The following KCTD16 variants were observed in gnomAD, a reference collection of about 807,000 sequenced individuals.
The protein encoded by KCTD16 is BTB/POZ domain-containing protein KCTD16.
In KCTD16, 13 loss-of-function variants were observed where a neutral mutation model predicts 33.2. The ratio of observed to expected loss-of-function variants is 0.39; its 90% CI spans 0.25 to 0.62. The LOEUF is 0.62. Ranked by LOEUF, KCTD16 falls within the 20% of genes least tolerant of loss-of-function variation. KCTD16 has a pLI of 0.50. For missense variants in KCTD16, 441 were observed against 525.1 expected (o/e 0.84, Z 1.57); for synonymous variants, 197 against 195.3 (o/e 1.01, Z -0.07).
intron 3 of KCTD16, among the ~76,000 whole-genome samples, chr5:144,310,450 T>C (rs995765882): frequency 7.6e-5 from 11 of 144,240 alleles, no homozygotes; most frequent in African/African-American, 2.7e-4. Flanking sequence ...GGTAGCTCTA[T>C]TTTTAGCTAT....
chr5:144,414,987 G>A (rs899750443), intron 3 of KCTD16, among the ~76,000 whole-genome samples: 1 of 152,036 alleles, frequency 6.6e-6, no homozygotes, highest in African/African-American at 2.4e-5. Context: ...AGTCTGTTTT[G>A]GGCTACTATA....
rs765341890 is a variant in KCTD16, at chr5:144,207,110, T to C, written c.396T>C (p.Asp132=). 391 of 1,610,756 alleles carry C rather than the reference T, an allele frequency of 2.4e-4. No homozygotes were observed. The highest frequency in any genetic ancestry group is 3.3e-4 in the Non-Finnish European group (386 of 1,178,538). ...CCGATGAAATCAAGCAAAGCCCAGATGAATTCTGCCACAGTGACTTTGAAG... is the reference window on the plus strand; with the variant it reads ...CCGATGAAATCAAGCAAAGCCCAGACGAATTCTGCCACAGTGACTTTGAAG... The part of the protein sequence containing the change: ...LTPDEIKQSP[D]EFCHSDFEDA... Residue 132 remains aspartate, a synonymous_variant, in exon 3 of 4, where the codon GAT becomes GAC. Transcript: ENST00000512467.
At chr5:144,214,798 A>G (rs552049823) in intron 3 of KCTD16, among the ~76,000 whole-genome samples, 1 of 152,294 alleles carries the variant, frequency 6.6e-6, no homozygotes, top group African/African-American at 2.4e-5. Context: ...CACAGCACAT[A>G]TAATAATGTA....
At chr5:144,253,877 A>G (rs1339156033) in intron 3 of KCTD16, among the ~76,000 whole-genome samples, 1 of 152,222 alleles carries the variant, frequency 6.6e-6, no homozygotes, top group East Asian at 1.9e-4. Context: ...TTTATACTTA[A>G]ACTTTAAAAA....
rs573637779 is a variant in KCTD16, at chr5:144,374,238, TA to T, written c.833-99416del. 1.8e-3 allele frequency among the ~76,000 whole-genome samples: 270 copies of T among 152,266 alleles called. 2 individuals are homozygous for T. Among genetic ancestry groups the T allele is most frequent in the African/African-American group, 6.2e-3 (256 of 41,550 alleles). On this transcript the variant is annotated intron_variant, in intron 3 of 3. Transcript: ENST00000512467. ...CAAAAATAAAATGCCAAATTTTCAG[TA>T]AAAAAGATTAATATTAGAAGCACCA...
intron 3 of KCTD16, among the ~76,000 whole-genome samples, chr5:144,382,472 C>T (rs1319312104): frequency 6.6e-6 from 1 of 152,018 alleles, no homozygotes; most frequent in Non-Finnish European, 1.5e-5. Context: ...GATTCTATGC[C>T]CCTCGCCTCT....
At chr5:144,182,714 C>T (rs1752650597) in intron 2 of KCTD16, among the ~76,000 whole-genome samples, 2 of 151,902 alleles carry the variant, frequency 1.3e-5, no homozygotes, top group South Asian at 2.1e-4. Context: ...CATTGCCCTC[C>T]AGCCTAGGCT....
intron 3 of KCTD16, among the ~76,000 whole-genome samples, chr5:144,339,551 CTA>C (rs1752575350): frequency 6.6e-6 from 1 of 152,136 alleles, no homozygotes; most frequent in Admixed American, 6.6e-5. Context: ...TTTTACTTCT[CTA>C]TGTTATTCTT....
At chr5:144,205,624 T>G in intron 2 of KCTD16, 1 of 398,696 alleles carries the variant, frequency 2.5e-6, no homozygotes. Context: ...GAAAAGCTTC[T>G]AAGTCCTGGT....
At chr5:144,363,860 A>C (rs544030216) in intron 3 of KCTD16, among the ~76,000 whole-genome samples, 4 of 152,174 alleles carry the variant, frequency 2.6e-5, no homozygotes, top group African/African-American at 9.7e-5. Flanking sequence ...CATTCCCTGC[A>C]ACTAGTGGTA....
At chr5:144,260,881 A>G (rs1754989869) in intron 3 of KCTD16, among the ~76,000 whole-genome samples, 1 of 151,970 alleles carries the variant, frequency 6.6e-6, no homozygotes, top group Non-Finnish European at 1.5e-5. Context: ...TATTGGTATT[A>G]TTTCTTAAGT....
Position 144,485,666 on chromosome 5 carries a change from A to G in KCTD16, c.*11552A>G, listed in dbSNP as rs899211515. On this transcript the variant is annotated 3_prime_UTR_variant, in exon 4 of 4. Coordinates refer to ENST00000512467, the MANE Select transcript of KCTD16 (RefSeq NM_020768.4). Reference sequence around the variant, plus strand: ...TATGCATTGTAATTTAGCACAAATCATAATAAATCATTTGGTAACATTTAG... The same window carrying G: ...TATGCATTGTAATTTAGCACAAATCGTAATAAATCATTTGGTAACATTTAG... 9 of 151,978 alleles carry G rather than the reference A, an allele frequency of 5.9e-5. No individual in the cohort carries two copies. The highest frequency in any genetic ancestry group is 1.2e-4 in the Non-Finnish European group (8 of 67,922). The allele number at this position is 151,978 out of a possible 1,614,324, so 9.4% of individuals were successfully genotyped here. A position where few individuals can be genotyped will look rare whatever the true frequency, so the allele number is the denominator to read the frequency against.
intron 3 of KCTD16, among the ~76,000 whole-genome samples, chr5:144,303,665 G>A (rs1261028266): frequency 6.6e-6 from 1 of 151,924 alleles, no homozygotes; most frequent in Non-Finnish European, 1.5e-5. Context: ...GCCACTATAA[G>A]GAAACAACAA....
chr5:144,460,778 G>T (rs756743277), intron 3 of KCTD16, among the ~76,000 whole-genome samples: 6 of 152,212 alleles, frequency 3.9e-5, no homozygotes, highest in Non-Finnish European at 7.3e-5. Flanking sequence ...GTGGCCAGCT[G>T]TGTAAACATT....
At chr5:144,176,802 G>T (rs1359526970) in intron 2 of KCTD16, among the ~76,000 whole-genome samples, 2 of 152,156 alleles carry the variant, frequency 1.3e-5, no homozygotes, top group African/African-American at 4.8e-5. Flanking sequence ...TTATGGTTTA[G>T]GTTCTCTAGG....
chr5:144,437,381 A>G (rs1753602270), intron 3 of KCTD16, among the ~76,000 whole-genome samples: 1 of 152,178 alleles, frequency 6.6e-6, no homozygotes, highest in Admixed American at 6.5e-5. Context: ...AATAGTGTGG[A>G]TTCAGGATCC....
chr5:144,416,981 T>C (rs925452547), intron 3 of KCTD16, among the ~76,000 whole-genome samples: 1 of 152,230 alleles, frequency 6.6e-6, no homozygotes, highest in Non-Finnish European at 1.5e-5. Context: ...TGAATAATAT[T>C]TCATCACATT....
intron 3 of KCTD16, among the ~76,000 whole-genome samples, chr5:144,466,984 AAC>A (rs1362217424): frequency 7.8e-6 from 1 of 128,582 alleles, no homozygotes. Context: ...TAATATATAT[AAC>A]ACTATATATA....
At chr5:144,366,589 C>T (rs890492766) in intron 3 of KCTD16, among the ~76,000 whole-genome samples, 3 of 152,172 alleles carry the variant, frequency 2.0e-5, no homozygotes, top group African/African-American at 7.2e-5. Flanking sequence ...TATGAAGCTT[C>T]AAGATGCTGC....
Sources: allele counts gnomAD v4.1 joint callset (sites outside exome capture counted in the v4.1 genomes callset), GRCh38; gene constraint gnomAD v4.1.1; transcripts MANE v1.5; gene names NCBI Gene and HGNC (gene_info 2026-07-23, HGNC 2026-07-21).